Variants in LRRC7 observed in about 807,000 individuals in gnomAD.
The protein encoded by LRRC7 is leucine-rich repeat-containing protein 7.
A neutral mutation model predicts 175.7 loss-of-function variants in LRRC7; 23 were observed. The observed-to-expected ratio is 0.13, with a 90% CI of 0.09 to 0.19. LRRC7 has a LOEUF of 0.19. Among genes scored for constraint, LRRC7 ranks in the 10% least tolerant of loss-of-function variants. The pLI, the probability that LRRC7 is intolerant of heterozygous loss-of-function variation, is 1.00. For missense variants in LRRC7, 1,354 were observed against 1,904.7 expected, an observed-to-expected ratio of 0.71 and a Z score of 5.38; for synonymous variants, 685 against 680.9, an observed-to-expected ratio of 1.01 and a Z score of -0.09.
Position 69,939,511 on chromosome 1 carries a change from C to T in LRRC7, c.711+7941C>T, listed in dbSNP as rs575028831. ...TCCTCCAGCCCCTCCCCAGGACACT[C>T]AATTGTTAGAGCCTAACATGGAGCC... is the stretch of plus-strand genomic sequence containing the variant. On this transcript the variant is annotated intron_variant, in intron 8 of 26. Coordinates refer to ENST00000651989, the MANE Select transcript of LRRC7 (RefSeq NM_001370785.2). Among the ~76,000 whole-genome samples the T allele has an allele frequency of 6.5e-4, 99 of 152,142 alleles. 1 individual carries two copies. Among genetic ancestry groups the T allele is most frequent in the African/African-American group, 2.1e-3 (89 of 41,554 alleles).
chr1:70,007,103 C>T (rs1656059958), intron 11 of LRRC7, among the ~76,000 whole-genome samples: 1 of 152,130 alleles, frequency 6.6e-6, no homozygotes, highest in Non-Finnish European at 1.5e-5. Context: ...CGTTCAGCCT[C>T]TCTCCCCTCC....
chr1:70,128,831 T>A lies in LRRC7; in HGVS notation c.*6944T>A, dbSNP rs905456420. On this transcript the variant is annotated 3_prime_UTR_variant, in exon 27 of 27. Transcript: ENST00000651989. ...TTATTCCTGCCCTCAACCATCCTAT[T>A]GCAAAAGGAAATCGAGTCTTTATCT... 2.0e-5 allele frequency: 3 copies of A among 152,252 alleles called. No individual in the cohort carries two copies. The highest frequency in any genetic ancestry group is 2.0e-4 in the Admixed American group (3 of 15,294). 9.4% of individuals were successfully genotyped at this position (152,252 alleles called of 1,614,324 possible).
chr1:69,678,182 A>T (rs1660031353), intron 1 of LRRC7, among the ~76,000 whole-genome samples, 199 bp from the exon 2 acceptor site: 1 of 151,880 alleles, frequency 6.6e-6, no homozygotes, highest in Non-Finnish European at 1.5e-5. Context: ...AATTTTTTTT[A>T]ATTGGGATGC....
At chr1:69,756,725 A>AT in intron 2 of LRRC7, among the ~76,000 whole-genome samples, 1 of 152,104 alleles carries the variant, frequency 6.6e-6, no homozygotes. Context: ...GTGAACAGAC[A>AT]TTATGCTCCA....
intron 7 of LRRC7, among the ~76,000 whole-genome samples, chr1:69,875,750 AT>A (rs1685984981): frequency 6.6e-6 from 1 of 152,078 alleles, no homozygotes; most frequent in African/African-American, 2.4e-5. Flanking sequence ...AAGATGAAAT[AT>A]TTTTATATGC....
At chr1:70,076,778 A>G (rs1217387114) in intron 24 of LRRC7, among the ~76,000 whole-genome samples, 1 of 152,204 alleles carries the variant, frequency 6.6e-6, no homozygotes, top group Non-Finnish European at 1.5e-5. Context: ...TATGAAGATA[A>G]TTATAAAGAA....
chr1:70,085,140 GT>G (rs1316785424), intron 24 of LRRC7, among the ~76,000 whole-genome samples: 2 of 151,960 alleles, frequency 1.3e-5, no homozygotes, highest in Non-Finnish European at 2.9e-5. Context: ...AAAGTTTTTA[GT>G]TTTTATGAAG....
intron 1 of LRRC7, among the ~76,000 whole-genome samples, chr1:69,608,842 CTCTCTCTCTCTCTCTCTCTCTCTCTATA>C (rs1383161521): frequency 8.0e-3 from 367 of 46,000 alleles, no homozygotes; most frequent in African/African-American, 0.027. Flanking sequence ...CTCTCTCTCT[CTCTCTCTCTCTCTCTCTCTCTCTCTATA>C]TATATATATA....
At chr1:69,596,446 C>T (rs1374023981) in intron 1 of LRRC7, among the ~76,000 whole-genome samples, 1 of 152,112 alleles carries the variant, frequency 6.6e-6, no homozygotes, top group Non-Finnish European at 1.5e-5. Flanking sequence ...TCACAGAGGT[C>T]AGTTGAGGCA....
chr1:70,102,654 C>A (rs1346269574), intron 25 of LRRC7, among the ~76,000 whole-genome samples: 2 of 152,058 alleles, frequency 1.3e-5, no homozygotes, highest in East Asian at 3.9e-4. Flanking sequence ...AGTGAGCCAC[C>A]GTGCCTGGCA....
At chr1:69,604,892 A>C (rs1404706913) in intron 1 of LRRC7, among the ~76,000 whole-genome samples, 4 of 152,210 alleles carry the variant, frequency 2.6e-5, no homozygotes. Context: ...TAGAAAAGAC[A>C]CTTCATGCAC....
chr1:69,811,390 T>A (rs1677845156), intron 4 of LRRC7, among the ~76,000 whole-genome samples: 1 of 152,086 alleles, frequency 6.6e-6, no homozygotes, highest in Non-Finnish European at 1.5e-5. Context: ...AAACCAGAAA[T>A]ACCATTTGAC....
At chr1:69,923,605 C>G (rs376978933) in intron 7 of LRRC7, among the ~76,000 whole-genome samples, 10 of 152,134 alleles carry the variant, frequency 6.6e-5, no homozygotes, top group Non-Finnish European at 8.8e-5. Context: ...GTCTTCTTTT[C>G]AGAAGTGTCT....
At chr1:70,018,625 C>A (rs1657166423) in intron 14 of LRRC7, 94 bp from the exon 15 acceptor site, 3 of 635,684 alleles carry the variant, frequency 4.7e-6, no homozygotes, top group Non-Finnish European at 7.7e-6. Flanking sequence ...TTCACTTTTT[C>A]CCCCCAATGT....
intron 1 of LRRC7, among the ~76,000 whole-genome samples, chr1:69,606,445 A>T (rs1293812036): frequency 6.6e-6 from 1 of 152,130 alleles, no homozygotes; most frequent in African/African-American, 2.4e-5. Context: ...TATCTTCAAA[A>T]ATCATTCACT....
intron 4 of LRRC7, among the ~76,000 whole-genome samples, chr1:69,816,588 C>T (rs1426252658): frequency 1.3e-5 from 2 of 152,094 alleles, no homozygotes; most frequent in Non-Finnish European, 2.9e-5. Flanking sequence ...TTGACAGTGT[C>T]CTTGTTTCAC....
At chr1:69,757,533 G>A (rs1368059872) in intron 2 of LRRC7, among the ~76,000 whole-genome samples, 5 of 151,920 alleles carry the variant, frequency 3.3e-5, no homozygotes, top group African/African-American at 9.7e-5. Flanking sequence ...TGTGGGATGA[G>A]CAAAGAAATA....
chr1:69,891,931 A>G (rs1273060550), intron 7 of LRRC7, among the ~76,000 whole-genome samples: 2 of 152,174 alleles, frequency 1.3e-5, no homozygotes, highest in Non-Finnish European at 2.9e-5. Flanking sequence ...AGCACAATAA[A>G]GTAAAGTGCA....
chr1:69,584,642 A>C (rs1646334732), intron 1 of LRRC7, among the ~76,000 whole-genome samples: 1 of 152,174 alleles, frequency 6.6e-6, no homozygotes, highest in Non-Finnish European at 1.5e-5. Context: ...CTTTAGAAAT[A>C]ATACTTTAGA....
Sources: gnomAD v4.1 joint callset for allele counts (sites outside exome capture counted in the v4.1 genomes callset) on GRCh38, gnomAD v4.1.1 for gene constraint, MANE v1.5 for transcripts, NCBI Gene and HGNC (gene_info 2026-07-23, HGNC 2026-07-21) for gene names.